STAT2: variants seen among roughly 807,000 people sequenced by gnomAD.
STAT2 encodes the protein signal transducer and activator of transcription 2.
In STAT2, 51 loss-of-function variants were observed where a neutral mutation model predicts 122.3. That is an observed-to-expected ratio of 0.42 (90% CI 0.33 to 0.53). STAT2 has a LOEUF of 0.53. Among genes scored for constraint, STAT2 ranks in the 20% least tolerant of loss-of-function variants. The probability of loss-of-function intolerance (pLI) is 0.10; values close to 1 mark genes in which losing one functional copy is unlikely to be tolerated. For missense variants in STAT2, 736 were observed against 1,010.3 expected, an observed-to-expected ratio of 0.73 and a Z score of 3.68; for synonymous variants, 351 against 394.9, an observed-to-expected ratio of 0.89 and a Z score of 1.32.
At chr12:56,347,662 C>A (rs540426525) in intron 19 of STAT2, among the ~76,000 whole-genome samples, 1 of 151,996 alleles carries the variant, frequency 6.6e-6, no homozygotes, top group Non-Finnish European at 1.5e-5. Context: ...CCACCACACC[C>A]GGCTAATTTT....
chr12:56,348,252 T>G (rs1877846139), intron 19 of STAT2, among the ~76,000 whole-genome samples: 1 of 151,476 alleles, frequency 6.6e-6, no homozygotes, highest in South Asian at 2.1e-4. Flanking sequence ...CACGCCCGGC[T>G]AATTTTTTGT....
chr12:56,354,929 CAG>C, intron 6 of STAT2, 66 bp from the exon 7 acceptor site: 2 of 1,515,222 alleles, frequency 1.3e-6, no homozygotes, highest in South Asian at 1.1e-5. Context: ...GGGTCTCAGT[CAG>C]AGTCAGGAAG....
chr12:56,358,531 C>G (rs143712947), intron 1 of STAT2, among the ~76,000 whole-genome samples: 123 of 152,242 alleles, frequency 8.1e-4, no homozygotes, highest in African/African-American at 2.2e-3. Flanking sequence ...CAGGGGTGAA[C>G]CACCATGCCC....
intron 22 of STAT2, among the ~76,000 whole-genome samples, 196 bp downstream of exon 22, chr12:56,345,950 G>C (rs1877383610): frequency 6.6e-6 from 1 of 152,064 alleles, no homozygotes; most frequent in African/African-American, 2.4e-5. Flanking sequence ...TGGGCTAGGA[G>C]GGAGGGAAGG....
intron 1 of STAT2, among the ~76,000 whole-genome samples, chr12:56,357,583 G>A (rs1831053799): frequency 1.3e-5 from 2 of 151,966 alleles, no homozygotes; most frequent in Non-Finnish European, 2.9e-5. Flanking sequence ...CTGAACTCGT[G>A]ATCTGCCTAC....
chr12:56,355,225 G>A lies in STAT2; in HGVS notation c.547+51C>T, dbSNP rs55702464. On this transcript the variant is annotated intron_variant, in intron 6 of 23. Coordinates refer to ENST00000314128, the MANE Select transcript of STAT2 (RefSeq NM_005419.4). ...CTTTCTCCTGTTCACTTCCAGCTCC[G>A]GCTTCTCAGCAGGCACTTATCTTTC... 5.5e-4 allele frequency: 877 copies of A among 1,605,648 alleles called. 15 individuals are homozygous for A. The East Asian group carries it at 0.019, about 34-fold the overall frequency.
At chr12:56,358,815 G>A (rs1592223509) in intron 1 of STAT2, among the ~76,000 whole-genome samples, 1 of 152,132 alleles carries the variant, frequency 6.6e-6, no homozygotes, top group Non-Finnish European at 1.5e-5. Context: ...AGAATGGCTT[G>A]TACCCAGGAG....
Position 56,354,548 on chromosome 12 carries a change from T to A in STAT2, c.700A>T (p.Lys234Ter), listed in dbSNP as rs2136083269. The change falls in exon 8 of 24, where the codon AAG becomes TAG. Residue 234 changes from lysine (K) to a stop codon, truncating the protein, a stop_gained. Coordinates refer to ENST00000314128, the MANE Select transcript of STAT2 (RefSeq NM_005419.4). LOFTEE classifies it high-confidence loss of function. ...LTTLIELLLP[K>*]LEEWKAQQQK... ...TGCTGGGCCTTCCACTCCTCCAACTTTGGCAGCAGTAGCTCGATTAGGGTA... is the reference window on the plus strand; with the variant it reads ...TGCTGGGCCTTCCACTCCTCCAACTATGGCAGCAGTAGCTCGATTAGGGTA... The A allele has an allele frequency of 6.2e-7, 1 of 1,614,166 alleles. No individual in the cohort carries two copies. The highest frequency in any genetic ancestry group is 8.5e-7 in the Non-Finnish European group (1 of 1,180,034).
intron 8 of STAT2, among the ~76,000 whole-genome samples, chr12:56,354,188 T>TAA (rs1337645270): frequency 7.2e-6 from 1 of 139,206 alleles, no homozygotes; most frequent in Non-Finnish European, 1.6e-5. Flanking sequence ...TTCGTTGCAG[T>TAA]AAAAAAAAAA....
chr12:56,351,020 G>A, intron 10 of STAT2, 78 bp downstream of exon 10: 2 of 1,574,972 alleles, frequency 1.3e-6, no homozygotes, highest in Non-Finnish European at 1.7e-6. Context: ...AGCCAAGAGT[G>A]GGAAGAGCTG....
chr12:56,354,504 T>A lies in STAT2; in HGVS notation c.744A>T (p.Arg248Ser). 6.2e-7 allele frequency: 1 copy of A among 1,614,162 alleles called. No individual in the cohort carries two copies. The highest frequency in any genetic ancestry group is 1.7e-5 in the Admixed American group (1 of 60,012). Residue 248 changes from arginine to serine, a missense_variant, in exon 8 of 24, where the codon AGA becomes AGT. Transcript: ENST00000314128. ...GTTCCAACCCGTGGTCAATGGGAGCTCTGATGCAGGCTTTTTGCTGCTGGG... is the reference window on the plus strand; with the variant it reads ...GTTCCAACCCGTGGTCAATGGGAGCACTGATGCAGGCTTTTTGCTGCTGGG... ...WKAQQQKACI[R>S]APIDHGLEQL...
chr12:56,344,188 C>A (rs1044598815), intron 22 of STAT2, 53 bp from the exon 23 acceptor site: 1 of 1,513,972 alleles, frequency 6.6e-7, no homozygotes, highest in Non-Finnish European at 8.9e-7. Context: ...CAAATGAAAT[C>A]AGGAATGGTA....
At chr12:56,349,993 G>A (rs1878196031) in intron 13 of STAT2, 104 bp downstream of exon 13, 3 of 1,048,980 alleles carry the variant, frequency 2.9e-6, no homozygotes, top group Non-Finnish European at 2.9e-6. Context: ...AGGTTGCTGT[G>A]AGCCAAGATG....
chr12:56,348,453 C>T (rs1877882222), intron 19 of STAT2, 76 bp downstream of exon 19: 1 of 1,475,864 alleles, frequency 6.8e-7, no homozygotes, highest in Non-Finnish European at 9.5e-7. Context: ...CCCTGCTTGC[C>T]ACGTGAGGGT....
intron 8 of STAT2, among the ~76,000 whole-genome samples, chr12:56,352,813 T>C (rs746359508): frequency 7.2e-5 from 11 of 151,802 alleles, no homozygotes; most frequent in Non-Finnish European, 1.3e-4. Flanking sequence ...CTGGGTATTA[T>C]GGTATGTGTA....
chr12:56,344,971 G>A (rs543994605), intron 22 of STAT2, among the ~76,000 whole-genome samples: 31 of 151,308 alleles, frequency 2.0e-4, no homozygotes, highest in Non-Finnish European at 4.0e-4. Flanking sequence ...TCGTGCCACT[G>A]CACTCCAGCC....
chr12:56,358,514 G>A (rs1428793501), intron 1 of STAT2, among the ~76,000 whole-genome samples: 1 of 152,104 alleles, frequency 6.6e-6, no homozygotes, highest in Admixed American at 6.6e-5. Flanking sequence ...CCAAAGTGCT[G>A]GGATTACAGG....
intron 22 of STAT2, among the ~76,000 whole-genome samples, chr12:56,344,932 T>C (rs866237135): frequency 2.6e-4 from 40 of 151,720 alleles, no homozygotes; most frequent in Middle Eastern, 3.4e-3. Context: ...TGCTTGAGCC[T>C]GGGAGGCAGA....
chr12:56,353,253 G>T (rs1379286616), intron 8 of STAT2, among the ~76,000 whole-genome samples: 1 of 152,086 alleles, frequency 6.6e-6, no homozygotes, highest in Admixed American at 6.5e-5. Context: ...CACAGTGCTG[G>T]CCACATGTGT....
Sources: gnomAD v4.1 joint callset for allele counts (sites outside exome capture counted in the v4.1 genomes callset) on GRCh38, gnomAD v4.1.1 for gene constraint, MANE v1.5 for transcripts, NCBI Gene and HGNC (gene_info 2026-07-23, HGNC 2026-07-21) for gene names.